Variants in ZNF419 observed in about 807,000 individuals in gnomAD.
ZNF419 encodes zinc finger protein 419.
ZNF419 carries 8 observed loss-of-function variants against 14.9 expected under a neutral mutation model. The ratio of observed to expected loss-of-function variants is 0.54; its 90% CI spans 0.32 to 0.97. ZNF419 has a LOEUF of 0.97. ZNF419 is among the 50% of genes least tolerant of loss of function. The pLI is 0.04. For synonymous variants in ZNF419, 211 were observed against 205.3 expected (o/e 1.03, Z -0.24); for missense variants, 595 against 607.2 (o/e 0.98, Z 0.21).
chr19:57,492,545 G>C (rs556847705), intron 4 of ZNF419: 29 of 753,894 alleles, frequency 3.8e-5, no homozygotes, highest in Non-Finnish European at 6.3e-5. Context: ...CTTCTGTGCC[G>C]TGTTCCTGTG....
In ZNF419 at chr19:57,492,159, G is replaced by T; in HGVS notation, c.246G>T (p.Trp82Cys). Residue 82 changes from tryptophan to cysteine, a missense_variant, in exon 4 of 5, where the codon TGG (tryptophan) becomes TGT (cysteine). By Grantham distance (215) the Trp-to-Cys change is radical (BLOSUM62 -2). Coordinates refer to ENST00000221735, the MANE Select transcript of ZNF419 (RefSeq NM_024691.4). The stretch of plus-strand genomic sequence containing the variant: ...ATGAAATAACCCAGCTGGAGTCATG[G>T]GAGGAGCCCTTCATGCCTGCTTGGG... ...KTHEITQLESWEEPFMPAWEV... is the reference protein window; with the variant it reads ...KTHEITQLESCEEPFMPAWEV... The T allele has an allele frequency of 6.2e-7, 1 of 1,613,808 alleles. No homozygotes were observed. Among genetic ancestry groups the T allele is most frequent in the Non-Finnish European group, 8.5e-7 (1 of 1,179,948 alleles).
At chr19:57,488,113 G>C (rs1448433407) in intron 1 of ZNF419, 130 bp downstream of exon 1, 1 of 1,417,376 alleles carries the variant, frequency 7.1e-7, no homozygotes, top group African/African-American at 1.4e-5. Flanking sequence ...AGTGTGATGG[G>C]GTGGCAATGG....
In ZNF419 at chr19:57,493,337, G is replaced by A. The variant is rs369330934; in HGVS notation, c.780G>A (p.Gly260=). The A allele has an allele frequency of 2.5e-6, 4 of 1,614,174 alleles. No homozygotes were observed. Among genetic ancestry groups the A allele is most frequent in the African/African-American group, 2.7e-5 (2 of 75,050 alleles). The change falls in exon 5 of 5, where the codon GGG becomes GGA. Residue 260 remains glycine, a synonymous_variant. Transcript: ENST00000221735. ...QIVHTGERPY[G]CSNCGKSFSR... is the part of the protein sequence containing the mutation. ...TTCACACTGGAGAAAGGCCTTACGG[G>A]TGTAGTAACTGTGGAAAATCCTTTA...
intron 4 of ZNF419, 153 bp from the exon 5 acceptor site, chr19:57,492,703 C>A: frequency 9.2e-7 from 1 of 1,086,888 alleles, no homozygotes; most frequent in Non-Finnish European, 1.4e-6. Flanking sequence ...TTCAGCACTG[C>A]ACAGCAGGCC....
At position 57,494,439 on chromosome 19, in the gene ZNF419, C is replaced by G. The variant is rs2089582897; in HGVS notation, c.*349C>G. 4.3e-6 allele frequency: 1 copy of G among 230,646 alleles called. No homozygotes were observed. The allele number at this position is 230,646 out of a possible 1,614,324, so 14.3% of individuals were successfully genotyped here. A position where few individuals can be genotyped will look rare whatever the true frequency, so the allele number is the denominator to read the frequency against. On this transcript the variant is annotated 3_prime_UTR_variant, in exon 5 of 5. Coordinates refer to ENST00000221735, the MANE Select transcript of ZNF419 (RefSeq NM_024691.4). ...TTCATCTAAATATGCACACTGGAGG[C>G]AAGATGAGAATTCCTGACAGATTGT...
At chr19:57,492,812 C>T (rs1166152966) in intron 4 of ZNF419, 44 bp from the exon 5 acceptor site, 1 of 1,613,356 alleles carries the variant, frequency 6.2e-7, no homozygotes, top group Non-Finnish European at 8.5e-7. Flanking sequence ...TGCCTCCTCA[C>T]ACCAAAGTCT....
At position 57,487,880 on chromosome 19, in the gene ZNF419, G is replaced by A. The variant is rs2089390300; in HGVS notation, c.-71G>A. On this transcript the variant is annotated 5_prime_UTR_variant, in exon 1 of 5. Coordinates refer to ENST00000221735, the MANE Select transcript of ZNF419 (RefSeq NM_024691.4). ...CTCAGAGGCGGGTCTGAGGCTCGGT[G>A]GCGGCGCCCAGGGTGGCCCGGGCCC... 10 of 1,608,606 alleles carry A rather than the reference G, an allele frequency of 6.2e-6. No homozygotes were observed. The highest frequency in any genetic ancestry group is 1.6e-4 in the Middle Eastern group (1 of 6,072).
intron 1 of ZNF419, chr19:57,489,562 T>C (rs1478768814): frequency 6.8e-6 from 1 of 146,276 alleles, no homozygotes; most frequent in African/African-American, 2.5e-5. Context: ...CAATCTCTGC[T>C]CACTGCAACC....
Position 57,493,592 on chromosome 19 carries a change from C to T in ZNF419, c.1035C>T (p.Cys345=), listed in dbSNP as rs1187244368. 5 of 1,613,562 alleles carry T rather than the reference C, an allele frequency of 3.1e-6. No individual in the cohort carries two copies. Among genetic ancestry groups the T allele is most frequent in the Non-Finnish European group, 4.2e-6 (5 of 1,179,476 alleles). Residue 345 remains cysteine, a synonymous_variant, in exon 5 of 5, where the codon TGC becomes TGT. Coordinates refer to ENST00000221735, the MANE Select transcript of ZNF419 (RefSeq NM_024691.4). Reference sequence around the variant, plus strand: ...ACACTGGAGAAAGACCTTATAAGTGCAGTGAATGTGGAAAATTCTATAGCC... The same window carrying T: ...ACACTGGAGAAAGACCTTATAAGTGTAGTGAATGTGGAAAATTCTATAGCC... The part of the protein sequence containing the change: ...RIHTGERPYK[C]SECGKFYSHK...
In ZNF419 at chr19:57,495,173, T is replaced by A. The variant is rs530938094; in HGVS notation, c.*1083T>A. 13 of 152,310 alleles carry A rather than the reference T, an allele frequency of 8.5e-5. No individual in the cohort carries two copies. The highest frequency in any genetic ancestry group is 3.1e-4 in the African/African-American group (13 of 41,562). 9.4% of individuals were successfully genotyped at this position (152,310 alleles called of 1,614,324 possible). A position where few individuals can be genotyped will look rare whatever the true frequency, so the allele number is the denominator to read the frequency against. On this transcript the variant is annotated 3_prime_UTR_variant, in exon 5 of 5. Coordinates refer to ENST00000221735, the MANE Select transcript of ZNF419 (RefSeq NM_024691.4). Reference sequence around the variant, plus strand: ...ATGGCTTTTGTTTTCTTTTCTTTTTTAAAATTTAGAGATGAGGTCGTGCTA... The same window carrying A: ...ATGGCTTTTGTTTTCTTTTCTTTTTAAAAATTTAGAGATGAGGTCGTGCTA...
intron 1 of ZNF419, chr19:57,489,855 A>G (rs1336649067): frequency 1.3e-5 from 4 of 308,608 alleles, no homozygotes; most frequent in African/African-American, 8.7e-5. Context: ...AGCATTAATT[A>G]TGTGTACAGT....
At chr19:57,489,972 G>A in intron 1 of ZNF419, 175 bp from the exon 2 acceptor site, 1 of 605,722 alleles carries the variant, frequency 1.7e-6, no homozygotes, top group Non-Finnish European at 3.0e-6. Flanking sequence ...GCAACACCAA[G>A]GCACAGGGAA....
rs1568574953 is a variant in ZNF419, at chr19:57,495,803, A to C, written c.*1713A>C. On this transcript the variant is annotated 3_prime_UTR_variant, in exon 5 of 5. Transcript: ENST00000221735. ...TGAGTATGCTACTGTAATCTTATGA[A>C]TCTTTTTAAATATCCAACTTCTGAA... 1.4e-5 allele frequency: 2 copies of C among 147,678 alleles called. No homozygotes were observed. The highest frequency in any genetic ancestry group is 1.4e-4 in the Admixed American group (2 of 14,376). The allele number at this position is 147,678 out of a possible 1,614,324, so 9.1% of individuals were successfully genotyped here. A position where few individuals can be genotyped will look rare whatever the true frequency, so the allele number is the denominator to read the frequency against.
At position 57,491,290 on chromosome 19, in the gene ZNF419, C is replaced by T. The variant is rs138640648; in HGVS notation, c.73-181C>T. ...AGCTGAGATGGACTTTATCTGCCTA[C>T]CTGCCTATTGTTGCTCAGTGGGAGC... On this transcript the variant is annotated intron_variant, in intron 2 of 4. Transcript: ENST00000221735. The T allele has an allele frequency of 5.6e-5, 47 of 832,784 alleles. No individual in the cohort carries two copies. In the Middle Eastern group the frequency reaches 1.8e-3, roughly 32 times the overall value. The allele number at this position is 832,784 out of a possible 1,614,324, so 51.6% of individuals were successfully genotyped here. A position where few individuals can be genotyped will look rare whatever the true frequency, so the allele number is the denominator to read the frequency against.
rs988629136 is a variant in ZNF419, at chr19:57,487,886, G to A, written c.-65G>A. ...GGCGGGTCTGAGGCTCGGTGGCGGC[G>A]CCCAGGGTGGCCCGGGCCCTTTCCT... On this transcript the variant is annotated 5_prime_UTR_variant, in exon 1 of 5. Coordinates refer to ENST00000221735, the MANE Select transcript of ZNF419 (RefSeq NM_024691.4). 6.2e-7 allele frequency: 1 copy of A among 1,610,610 alleles called. No individual in the cohort carries two copies. The highest frequency in any genetic ancestry group is 1.7e-5 in the Admixed American group (1 of 59,888).
At chr19:57,490,459 A>G (rs765969884) in intron 2 of ZNF419, 14 of 241,764 alleles carry the variant, frequency 5.8e-5, no homozygotes, top group East Asian at 3.6e-4. Flanking sequence ...GGTTCAAGCA[A>G]TTCTCCTGTC....
Position 57,491,463 on chromosome 19 carries a change from C to G in ZNF419, c.73-8C>G. 1 of 1,613,746 alleles carries G rather than the reference C, an allele frequency of 6.2e-7. No homozygotes were observed. The highest frequency in any genetic ancestry group is 1.7e-5 in the Admixed American group (1 of 60,006). On this transcript the variant is annotated splice_polypyrimidine_tract_variant and splice_region_variant and intron_variant, in intron 2 of 4. Transcript: ENST00000221735. ...TGCAGATAAACTCTACTCTGTCCAT[C>G]TTAGCAGGGCTATGTGACCTTTGAG...
rs778210030 is a variant in ZNF419, at chr19:57,490,155, G to A, written c.42G>A (p.Val14=). ...AALRDPAQVP[V]AADLLTDHEE... Reference sequence around the variant, plus strand: ...GTCTTGATTTTCCATAGGTTCCTGTGGCTGCAGACTTGCTTACAGACCATG... The same window carrying A: ...GTCTTGATTTTCCATAGGTTCCTGTAGCTGCAGACTTGCTTACAGACCATG... Residue 14 remains valine, a synonymous_variant, in exon 2 of 5, where the codon GTG becomes GTA. Coordinates refer to ENST00000221735, the MANE Select transcript of ZNF419 (RefSeq NM_024691.4). The A allele has an allele frequency of 1.2e-6, 2 of 1,613,464 alleles. No individual in the cohort carries two copies.
chr19:57,492,245 C>T (rs2074072), intron 4 of ZNF419, 34 bp downstream of exon 4: 1,125,804 of 1,608,704 alleles, frequency 0.7, 395,173 homozygotes, highest in South Asian at 0.79. Flanking sequence ...GAGGTGTGAA[C>T]TCAGGGATGG....
Sources: gnomAD v4.1 joint callset for allele counts on GRCh38, gnomAD v4.1.1 for gene constraint, MANE v1.5 for transcripts, NCBI Gene and HGNC (gene_info 2026-07-23, HGNC 2026-07-21) for gene names.